The following COL4A2 variants were observed in gnomAD, a reference collection of about 807,000 sequenced individuals.
COL4A2 encodes the protein collagen type IV alpha 2 chain, also known as collagen alpha-2(IV) chain.
In COL4A2, 99 loss-of-function variants were observed where a neutral mutation model predicts 200.2. The ratio of observed to expected loss-of-function variants is 0.49; its 90% CI spans 0.42 to 0.58. COL4A2 has a LOEUF of 0.58. COL4A2 is among the 20% of genes least tolerant of loss of function. The pLI is 0.00. For synonymous variants in COL4A2, 897 were observed against 900.6 expected (o/e 1.00, Z 0.07); for missense variants, 1,950 against 2,314.1 (o/e 0.84, Z 3.23).
At chr13:110,370,275 G>GT (rs759061769) in intron 4 of COL4A2, among the ~76,000 whole-genome samples, 2 of 150,064 alleles carry the variant, frequency 1.3e-5, no homozygotes, top group Non-Finnish European at 3.0e-5. Flanking sequence ...GTTTTGTTTT[G>GT]TTTTTTGAGA....
rs113487193 is a variant in COL4A2 at position 110,355,907 on chromosome 13, G to T, written c.100-1565G>T. Among the ~76,000 whole-genome samples, 630 of 147,990 alleles carry T rather than the reference G, an allele frequency of 4.3e-3. 3 individuals carry two copies. The highest frequency in any genetic ancestry group is 0.011 in the East Asian group (50 of 4,630). On this transcript the variant is annotated intron_variant, in intron 3 of 47. Coordinates refer to ENST00000360467, the MANE Select transcript of COL4A2 (RefSeq NM_001846.4). ...GGCTGCACTAGGTCACCTGTATAGG[G>T]CGGAGGGCAGCACTGGCTCACCTGT...
At chr13:110,439,189 C>G (rs1881030968) in intron 15 of COL4A2, among the ~76,000 whole-genome samples, 1 of 152,182 alleles carries the variant, frequency 6.6e-6, no homozygotes, top group South Asian at 2.1e-4. Flanking sequence ...ACGACCACAC[C>G]TAGCTGAGGG....
At chr13:110,350,072 C>A (rs2139380042) in intron 3 of COL4A2, among the ~76,000 whole-genome samples, 1 of 152,274 alleles carries the variant, frequency 6.6e-6, no homozygotes, top group African/African-American at 2.4e-5. Context: ...CCAATTTCCA[C>A]ATCTTTCTAA....
intron 18 of COL4A2, among the ~76,000 whole-genome samples, chr13:110,448,484 C>T (rs1423147571): frequency 1.3e-5 from 2 of 152,154 alleles, no homozygotes; most frequent in East Asian, 3.9e-4. Flanking sequence ...GACTTGCATT[C>T]CAGGGTTTCT....
At chr13:110,481,021 C>T (rs911389923) in intron 31 of COL4A2, among the ~76,000 whole-genome samples, 5 of 115,190 alleles carry the variant, frequency 4.3e-5, no homozygotes, top group African/African-American at 1.7e-4. Flanking sequence ...TCTGTCCTTC[C>T]GTTGCTGGAG....
Position 110,446,207 on chromosome 13 carries a change from G to A in COL4A2, c.1011+325G>A, listed in dbSNP as rs1434775016. Among the ~76,000 whole-genome samples, 4 of 151,948 alleles carry A rather than the reference G, an allele frequency of 2.6e-5. No homozygotes were observed. In the East Asian group the frequency reaches 7.7e-4, roughly 29 times the overall value. On this transcript the variant is annotated intron_variant, in intron 17 of 47. Coordinates refer to ENST00000360467, the MANE Select transcript of COL4A2 (RefSeq NM_001846.4). ...CCCCTGGTTTCCAAGGGAGGATGTG[G>A]CTTGTGTGAGTAATTCCTGGGCTTG...
At chr13:110,506,693 A>C in intron 46 of COL4A2, 87 bp downstream of exon 46, 1 of 1,367,880 alleles carries the variant, frequency 7.3e-7, no homozygotes, top group Non-Finnish European at 9.8e-7. Flanking sequence ...AGACTCCCAA[A>C]CCCTCCACGG....
intron 3 of COL4A2, among the ~76,000 whole-genome samples, chr13:110,332,563 T>G (rs1030555537): frequency 6.6e-6 from 1 of 152,186 alleles, no homozygotes; most frequent in African/African-American, 2.4e-5. Context: ...TTTGTCCTCT[T>G]GAGTTTGAAC....
chr13:110,398,431 G>A (rs1347221322), intron 4 of COL4A2, among the ~76,000 whole-genome samples: 2 of 152,160 alleles, frequency 1.3e-5, no homozygotes, highest in South Asian at 2.1e-4. Context: ...GGCCAAGGTG[G>A]GTGGATCAGT....
chr13:110,316,134 T>G (rs989790976), intron 3 of COL4A2, among the ~76,000 whole-genome samples: 1 of 152,218 alleles, frequency 6.6e-6, no homozygotes, highest in Non-Finnish European at 1.5e-5. Flanking sequence ...AGTTCAGTGA[T>G]CTCTCATGTG....
intron 4 of COL4A2, among the ~76,000 whole-genome samples, chr13:110,414,232 C>T (rs929483814): frequency 6.6e-6 from 1 of 152,212 alleles, no homozygotes; most frequent in Non-Finnish European, 1.5e-5. Context: ...CAGCATGATG[C>T]TGGGGCGTTC....
intron 3 of COL4A2, among the ~76,000 whole-genome samples, chr13:110,343,538 C>G (rs1314546596): frequency 1.3e-5 from 2 of 152,194 alleles, no homozygotes; most frequent in African/African-American, 4.8e-5. Flanking sequence ...AATTCTAACC[C>G]AGAAGCCAGG....
Position 110,430,386 on chromosome 13 carries a change from T to C in COL4A2, c.550-15T>C, listed in dbSNP as rs367748098. ...TTAAAAGCTATCACTCTTAAAATTA[T>C]TTCTTCTCCATTAGGGTGAACCTGG... On this transcript the variant is annotated splice_polypyrimidine_tract_variant and intron_variant, in intron 8 of 47. Transcript: ENST00000360467. The C allele has an allele frequency of 3.7e-6, 6 of 1,606,756 alleles. No homozygotes were observed. The highest frequency in any genetic ancestry group is 1.3e-5 in the African/African-American group (1 of 74,258).
In COL4A2 at chr13:110,482,529, A is replaced by C; in HGVS notation, c.2772A>C (p.Ser924=). The C allele has an allele frequency of 1.9e-6, 3 of 1,614,164 alleles. No homozygotes were observed. Among genetic ancestry groups the C allele is most frequent in the Non-Finnish European group, 2.5e-6 (3 of 1,179,996 alleles). Residue 924 remains serine, a synonymous_variant, in exon 32 of 48, where the codon TCA becomes TCC. Transcript: ENST00000360467. ...GTPGLKGDRG[S]PGMDGFQGMP... is the part of the protein sequence containing the mutation. Reference sequence around the variant, plus strand: ...TTTCCTCTGAAGGAGATAGAGGCTCACCTGGGATGGATGGTTTCCAAGGCA... The same window carrying C: ...TTTCCTCTGAAGGAGATAGAGGCTCCCCTGGGATGGATGGTTTCCAAGGCA...
In COL4A2 at chr13:110,307,489, C is replaced by T. The variant is rs1260603239; in HGVS notation, c.-84C>T. ...CCGCCGGCGGGTGCTTCTGGAAGGG[C>T]CAATGCGTTCGGGCAGCAGCCCCTG... On this transcript the variant is annotated 5_prime_UTR_variant, in exon 1 of 48. Transcript: ENST00000360467. The surrounding 1 kb of genome is among the most constrained non-coding windows in gnomAD (Gnocchi z 5.0). The T allele has an allele frequency of 4.3e-6, 1 of 230,278 alleles. No homozygotes were observed. Among genetic ancestry groups the T allele is most frequent in the Non-Finnish European group, 8.4e-6 (1 of 119,618 alleles). The allele number at this position is 230,278 out of a possible 1,614,324, so 14.3% of individuals were successfully genotyped here. A position where few individuals can be genotyped will look rare whatever the true frequency, so the allele number is the denominator to read the frequency against.
intron 4 of COL4A2, among the ~76,000 whole-genome samples, chr13:110,360,230 G>A (rs1213624966): frequency 2.6e-5 from 4 of 152,226 alleles, no homozygotes; most frequent in Admixed American, 1.3e-4. Flanking sequence ...TTCGTGTCTA[G>A]AGCGACTCTG....
chr13:110,450,821 C>T (rs953103569), intron 20 of COL4A2, among the ~76,000 whole-genome samples: 17 of 152,186 alleles, frequency 1.1e-4, no homozygotes, highest in African/African-American at 4.1e-4. Flanking sequence ...TGATACATTC[C>T]ACAAACCTAA....
chr13:110,419,944 T>C (rs1880184260), intron 4 of COL4A2, among the ~76,000 whole-genome samples: 1 of 152,242 alleles, frequency 6.6e-6, no homozygotes, highest in South Asian at 2.1e-4. Flanking sequence ...AAGAGGTTTT[T>C]CTTATTGAAA....
Position 110,506,467 on chromosome 13 carries a change from C to T in COL4A2, c.4455C>T (p.Ser1485=), listed in dbSNP as rs1212074023. Residue 1485 remains serine, a synonymous_variant, in exon 46 of 48, where the codon AGC becomes AGT. Transcript: ENST00000360467. ...GCCTGCCGGGTATGCCAGGCCGCAG[C>T]GTCAGCATCGGCTACCTCCTGGTGA... ...SPGLPGMPGR[S]VSIGYLLVKH... The T allele has an allele frequency of 1.4e-5, 22 of 1,612,846 alleles. No homozygotes were observed. Among genetic ancestry groups the T allele is most frequent in the Non-Finnish European group, 1.6e-5 (19 of 1,179,786 alleles).
Sources: allele counts gnomAD v4.1 joint callset (sites outside exome capture counted in the v4.1 genomes callset), GRCh38; gene constraint gnomAD v4.1.1; non-coding constraint Gnocchi (gnomAD v3.1); transcripts MANE v1.5; gene names NCBI Gene and HGNC (gene_info 2026-07-23, HGNC 2026-07-21).